The following GRID2 variants were observed in gnomAD, a reference collection of about 807,000 sequenced individuals.
GRID2 encodes glutamate ionotropic receptor delta type subunit 2, also known as glutamate receptor ionotropic, delta-2.
A neutral mutation model predicts 114.8 loss-of-function variants in GRID2; 33 were observed. The observed-to-expected ratio is 0.29, with a 90% CI of 0.22 to 0.38. The LOEUF (loss-of-function observed/expected upper bound fraction) is 0.38. Among genes scored for constraint, GRID2 ranks in the 10% least tolerant of loss-of-function variants. GRID2 has a pLI of 1.00. For synonymous variants in GRID2, 505 were observed against 449.9 expected (o/e 1.12, Z -1.55); for missense variants, 1,184 against 1,257.7 (o/e 0.94, Z 0.89).
In GRID2 at chr4:93,381,617, T is replaced by C. The variant is rs566171801; in HGVS notation, c.1246-13990T>C. 1.0e-3 allele frequency among the ~76,000 whole-genome samples: 153 copies of C among 152,158 alleles called. 1 individual carries two copies. Among genetic ancestry groups the C allele is most frequent in the African/African-American group, 3.6e-3 (150 of 41,568 alleles). ...TTAACATCCTACAGTTATAACACTC[T>C]TATTTAGATTTATGCCAGTTTAACT... On this transcript the variant is annotated intron_variant, in intron 8 of 15. Transcript: ENST00000282020.
chr4:93,508,074 G>A (rs1441574468), intron 12 of GRID2, among the ~76,000 whole-genome samples: 1 of 152,010 alleles, frequency 6.6e-6, no homozygotes, highest in African/African-American at 2.4e-5. Context: ...GAGTTAATGA[G>A]TGCAGCACAC....
At chr4:92,702,137 T>C (rs1734703549) in intron 2 of GRID2, among the ~76,000 whole-genome samples, 1 of 152,098 alleles carries the variant, frequency 6.6e-6, no homozygotes, top group Non-Finnish European at 1.5e-5. Context: ...TCAGTTTCTA[T>C]CTATTTTATT....
At chr4:93,792,165 C>T (rs1017063439) in intron 1 of GRID2, among the ~76,000 whole-genome samples, 5 of 152,096 alleles carry the variant, frequency 3.3e-5, no homozygotes, top group African/African-American at 1.2e-4. Flanking sequence ...TCTTATGACA[C>T]CTCCAAGCCC....
chr4:93,808,278 C>G (rs1444419182), exon 2 of GRID2: 1 of 152,094 alleles, frequency 6.6e-6, no homozygotes, highest in African/African-American at 2.4e-5. Flanking sequence ...TGGTGCTTAC[C>G]ATGACTGTGG....
intron 13 of GRID2, among the ~76,000 whole-genome samples, chr4:93,599,728 G>A (rs574078632): frequency 6.6e-6 from 1 of 152,174 alleles, no homozygotes; most frequent in African/African-American, 2.4e-5. Flanking sequence ...AGAAGAAACT[G>A]CACAAGGAAA....
chr4:93,108,953 T>C (rs1462935015), intron 3 of GRID2, among the ~76,000 whole-genome samples: 1 of 152,154 alleles, frequency 6.6e-6, no homozygotes, highest in Admixed American at 6.5e-5. Flanking sequence ...TAAAGGTATA[T>C]TGGTTCTGGG....
chr4:93,009,753 T>A (rs1027732898), intron 2 of GRID2, among the ~76,000 whole-genome samples: 18 of 152,226 alleles, frequency 1.2e-4, no homozygotes, highest in African/African-American at 4.3e-4. Context: ...TTCCAAGTAT[T>A]TCTGGAAGAT....
chr4:93,738,317 G>A (rs1371359), intron 14 of GRID2, among the ~76,000 whole-genome samples: 73,046 of 151,942 alleles, frequency 0.48, 18,099 homozygotes, highest in East Asian at 0.73. Flanking sequence ...TAAGGGTTAT[G>A]AGCATGGAAG....
chr4:92,394,539 T>A (rs115398009), intron 1 of GRID2, among the ~76,000 whole-genome samples: 1 of 152,004 alleles, frequency 6.6e-6, no homozygotes, highest in South Asian at 2.1e-4. Flanking sequence ...TCTCTACTTA[T>A]ATTTTAATTA....
At chr4:93,602,683 A>T (rs1490286126) in intron 13 of GRID2, among the ~76,000 whole-genome samples, 1 of 152,168 alleles carries the variant, frequency 6.6e-6, no homozygotes, top group Non-Finnish European at 1.5e-5. Context: ...TCCTCTGCTC[A>T]GGCCTCCCTA....
At chr4:92,453,840 T>G (rs1414730987) in intron 1 of GRID2, among the ~76,000 whole-genome samples, 1 of 152,200 alleles carries the variant, frequency 6.6e-6, no homozygotes, top group Non-Finnish European at 1.5e-5. Flanking sequence ...ATGTATAACT[T>G]AATAAAGCTA....
Position 92,356,501 on chromosome 4 carries a change from T to A in GRID2, c.88+51757T>A, listed in dbSNP as rs192960931. 1.7e-3 allele frequency among the ~76,000 whole-genome samples: 254 copies of A among 151,724 alleles called. 2 individuals are homozygous for A. Among genetic ancestry groups the A allele is most frequent in the African/African-American group, 5.9e-3 (246 of 41,490 alleles). ...TTATGAGATTCTCAGCCATAAAAAA[T>A]TTATATGCATATTACATATATGCTA... On this transcript the variant is annotated intron_variant, in intron 1 of 15. Transcript: ENST00000282020.
intron 14 of GRID2, among the ~76,000 whole-genome samples, chr4:93,632,372 C>A (rs1051225207): frequency 4.6e-5 from 7 of 152,134 alleles, no homozygotes; most frequent in Admixed American, 1.3e-4. Flanking sequence ...AGTCTTTGAT[C>A]CATCTTGAAT....
At chr4:93,078,742 GTA>G (rs1421213792) in intron 2 of GRID2, among the ~76,000 whole-genome samples, 2 of 136,418 alleles carry the variant, frequency 1.5e-5, no homozygotes, top group Admixed American at 7.8e-5. Flanking sequence ...TTTATATACT[GTA>G]TATACTAAAT....
At chr4:92,485,361 G>A in intron 1 of GRID2, among the ~76,000 whole-genome samples, 1 of 141,794 alleles carries the variant, frequency 7.1e-6, no homozygotes, top group South Asian at 2.3e-4. Flanking sequence ...GTGTGTGTGT[G>A]TGTGTGTGAG....
chr4:92,406,746 C>A (rs1731045102), intron 1 of GRID2, among the ~76,000 whole-genome samples: 1 of 150,972 alleles, frequency 6.6e-6, no homozygotes, highest in Non-Finnish European at 1.5e-5. Context: ...TTATTCCCAA[C>A]CTTACAATTA....
At chr4:92,667,636 A>G (rs1052183090) in intron 2 of GRID2, among the ~76,000 whole-genome samples, 1 of 151,770 alleles carries the variant, frequency 6.6e-6, no homozygotes, top group Non-Finnish European at 1.5e-5. Flanking sequence ...ATATATATTC[A>G]TAAAGTTTTG....
At chr4:93,484,157 A>G in intron 11 of GRID2, among the ~76,000 whole-genome samples, 1 of 151,880 alleles carries the variant, frequency 6.6e-6, no homozygotes, top group East Asian at 1.9e-4. Context: ...TACGTAACAT[A>G]TTGTGCAGCT....
chr4:93,325,671 A>G (rs2149217658), intron 8 of GRID2, among the ~76,000 whole-genome samples: 1 of 151,606 alleles, frequency 6.6e-6, no homozygotes, highest in Non-Finnish European at 1.5e-5. Flanking sequence ...TTTTGATAGT[A>G]TACTATTTTT....
Sources: gnomAD v4.1 joint callset for allele counts (sites outside exome capture counted in the v4.1 genomes callset) on GRCh38, gnomAD v4.1.1 for gene constraint, MANE v1.5 for transcripts, NCBI Gene and HGNC (gene_info 2026-07-23, HGNC 2026-07-21) for gene names.